The following FAM120A variants were observed in gnomAD, a reference collection of about 807,000 sequenced individuals.
FAM120A encodes the protein constitutive coactivator of PPAR-gamma-like protein 1.
FAM120A carries 15 observed loss-of-function variants against 109.7 expected under a neutral mutation model. The observed-to-expected ratio is 0.14, with a 90% CI of 0.09 to 0.21. FAM120A has a LOEUF of 0.21. Ranked by LOEUF, FAM120A falls within the 10% of genes least tolerant of loss-of-function variation. FAM120A has a pLI of 1.00. For synonymous variants in FAM120A, 493 were observed against 572.8 expected, an observed-to-expected ratio of 0.86 and a Z score of 1.99; for missense variants, 899 against 1,439.3, an observed-to-expected ratio of 0.62 and a Z score of 6.07.
intron 3 of FAM120A, among the ~76,000 whole-genome samples, chr9:93,488,729 C>T (rs1859181593): frequency 6.6e-6 from 1 of 152,094 alleles, no homozygotes; most frequent in South Asian, 2.1e-4. Context: ...CAAGGTAGAA[C>T]TTGGGAGTCA....
Position 93,565,162 on chromosome 9 carries a change from A to C in FAM120A, c.*622A>C, listed in dbSNP as rs1862593446. On this transcript the variant is annotated 3_prime_UTR_variant, in exon 18 of 18. Coordinates refer to ENST00000277165, the MANE Select transcript of FAM120A (RefSeq NM_014612.5). ...ATTTTAAATATACAATACATCATAC[A>C]TACTTTACAAGCAAGTTAAATGGAG... is the stretch of plus-strand genomic sequence containing the variant. 6.5e-6 allele frequency: 1 copy of C among 152,690 alleles called. No homozygotes were observed. Among genetic ancestry groups the C allele is most frequent in the African/African-American group, 2.4e-5 (1 of 41,462 alleles). 9.5% of individuals were successfully genotyped at this position (152,690 alleles called of 1,614,324 possible).
At chr9:93,558,811 G>A in intron 15 of FAM120A, 93 bp downstream of exon 15, 12 of 1,432,778 alleles carry the variant, frequency 8.4e-6, no homozygotes, top group Non-Finnish European at 1.1e-5. Flanking sequence ...GTCCTCATGA[G>A]CCCCTCCTCC....
intron 3 of FAM120A, among the ~76,000 whole-genome samples, chr9:93,490,555 T>C (rs563565837): frequency 2.0e-5 from 3 of 152,350 alleles, no homozygotes; most frequent in African/African-American, 7.2e-5. Flanking sequence ...AGTTGGAATA[T>C]TACATGGTAA....
At chr9:93,505,495 T>G (rs1207734876) in intron 5 of FAM120A, among the ~76,000 whole-genome samples, 6 of 152,262 alleles carry the variant, frequency 3.9e-5, no homozygotes, top group Non-Finnish European at 7.3e-5. Flanking sequence ...TTTTTCTGTC[T>G]TCATGATGTG....
intron 17 of FAM120A, among the ~76,000 whole-genome samples, chr9:93,562,684 A>G (rs1313555497): frequency 1.2e-3 from 104 of 88,986 alleles, no homozygotes; most frequent in East Asian, 3.2e-4. Flanking sequence ...TTTTTTTTTG[A>G]GATGGAGTCT....
chr9:93,478,790 G>C (rs1354062895), intron 3 of FAM120A, among the ~76,000 whole-genome samples: 4 of 152,058 alleles, frequency 2.6e-5, no homozygotes, highest in African/African-American at 4.8e-5. Flanking sequence ...TTAATGTTTT[G>C]ACCCTTCATT....
intron 11 of FAM120A, among the ~76,000 whole-genome samples, chr9:93,548,992 G>A (rs925156795): frequency 3.3e-5 from 5 of 152,000 alleles, no homozygotes; most frequent in Admixed American, 6.6e-5. Flanking sequence ...GCAGTGAGCC[G>A]AGATCATGCC....
chr9:93,526,041 C>T (rs990711210), intron 7 of FAM120A, among the ~76,000 whole-genome samples: 1 of 152,202 alleles, frequency 6.6e-6, no homozygotes, highest in Non-Finnish European at 1.5e-5. Context: ...CTCCATCTGT[C>T]ATGTGAGTCA....
At chr9:93,459,256 C>G (rs889747996) in intron 1 of FAM120A, among the ~76,000 whole-genome samples, 3 of 152,230 alleles carry the variant, frequency 2.0e-5, no homozygotes, top group African/African-American at 7.2e-5. Context: ...CACCCGTAGG[C>G]TCCTTGAGGC....
At chr9:93,549,608 T>G (rs1300002083) in intron 11 of FAM120A, among the ~76,000 whole-genome samples, 1 of 152,254 alleles carries the variant, frequency 6.6e-6, no homozygotes, top group Non-Finnish European at 1.5e-5. Flanking sequence ...TTTTAAGCAC[T>G]GAGCAAACTT....
chr9:93,535,804 T>G (rs1861493116), intron 10 of FAM120A, among the ~76,000 whole-genome samples: 1 of 152,246 alleles, frequency 6.6e-6, no homozygotes, highest in Non-Finnish European at 1.5e-5. Context: ...CTTGTGATTG[T>G]TAAGTCTCAA....
intron 3 of FAM120A, among the ~76,000 whole-genome samples, chr9:93,491,877 G>C (rs1859337277): frequency 6.6e-6 from 1 of 152,032 alleles, no homozygotes. Flanking sequence ...AAGCAGAGGA[G>C]GAAATAAATG....
intron 16 of FAM120A, 106 bp from the exon 17 acceptor site, chr9:93,562,102 C>G: frequency 1.0e-6 from 1 of 967,636 alleles, no homozygotes; most frequent in Non-Finnish European, 1.6e-6. Context: ...TAATTCAGTG[C>G]TTCATAAAAC....
At chr9:93,514,489 G>T (rs1222482597) in intron 5 of FAM120A, among the ~76,000 whole-genome samples, 1 of 152,202 alleles carries the variant, frequency 6.6e-6, no homozygotes, top group East Asian at 1.9e-4. Flanking sequence ...TGGTGCAGCC[G>T]TGCAAGCCCC....
At chr9:93,512,086 C>G (rs1860346556) in intron 5 of FAM120A, among the ~76,000 whole-genome samples, 2 of 152,222 alleles carry the variant, frequency 1.3e-5, no homozygotes, top group South Asian at 4.1e-4. Context: ...GCCACTGAAC[C>G]AGGCCAGTTT....
At chr9:93,559,474 T>C (rs994300942) in intron 15 of FAM120A, among the ~76,000 whole-genome samples, 1 of 152,242 alleles carries the variant, frequency 6.6e-6, no homozygotes, top group Non-Finnish European at 1.5e-5. Context: ...CTCAGTTACA[T>C]GGGATAGTTA....
At chr9:93,512,488 C>CT (rs2131395193) in intron 5 of FAM120A, among the ~76,000 whole-genome samples, 1 of 152,104 alleles carries the variant, frequency 6.6e-6, no homozygotes, top group Admixed American at 6.5e-5. Context: ...ATATAGTAAA[C>CT]TTTTTTGGCC....
intron 7 of FAM120A, among the ~76,000 whole-genome samples, chr9:93,518,287 G>A (rs1382517929): frequency 2.0e-5 from 3 of 152,274 alleles, no homozygotes; most frequent in East Asian, 1.9e-4. Flanking sequence ...GGTATGACGC[G>A]TGTGCCAAGT....
At chr9:93,505,421 T>C (rs1455209265) in intron 5 of FAM120A, among the ~76,000 whole-genome samples, 1 of 152,222 alleles carries the variant, frequency 6.6e-6, no homozygotes, top group Non-Finnish European at 1.5e-5. Context: ...ATACTTAATA[T>C]ATATATTGGA....
Sources: allele counts gnomAD v4.1 joint callset (sites outside exome capture counted in the v4.1 genomes callset), GRCh38; gene constraint gnomAD v4.1.1; transcripts MANE v1.5; gene names NCBI Gene and HGNC (gene_info 2026-07-23, HGNC 2026-07-21).